HIP1: variants seen among roughly 807,000 people sequenced by gnomAD.
HIP1 encodes huntingtin-interacting protein 1.
Under a neutral mutation model 147.6 loss-of-function variants are expected in HIP1, and 65 were observed. The ratio of observed to expected loss-of-function variants is 0.44; its 90% confidence interval spans 0.36 to 0.54. The LOEUF is 0.54. Among genes scored for constraint, HIP1 ranks in the 20% least tolerant of loss-of-function variants. HIP1 has a pLI of 0.00. For synonymous variants in HIP1, 479 were observed against 504.0 expected (o/e 0.95, Z 0.67); for missense variants, 1,061 against 1,299.6 (o/e 0.82, Z 2.82).
intron 14 of HIP1, among the ~76,000 whole-genome samples, chr7:75,559,197 CT>C (rs1165794988): frequency 2.0e-5 from 3 of 152,136 alleles, no homozygotes; most frequent in Admixed American, 6.6e-5. Context: ...TCACTGCAGC[CT>C]TGAATTCCTG....
At chr7:75,576,677 C>T (rs1266606642) in intron 7 of HIP1, among the ~76,000 whole-genome samples, 1 of 152,082 alleles carries the variant, frequency 6.6e-6, no homozygotes, top group Non-Finnish European at 1.5e-5. Flanking sequence ...CCACTGCACT[C>T]CAGCCTGAAC....
At chr7:75,673,758 G>A (rs1001225554) in intron 1 of HIP1, among the ~76,000 whole-genome samples, 1 of 147,698 alleles carries the variant, frequency 6.8e-6, no homozygotes, top group Non-Finnish European at 1.5e-5. Context: ...GTCAAGGTGG[G>A]TGGATTGCTT....
chr7:75,595,236 CTTTCTTTCTTT>C (rs1563230233), intron 2 of HIP1, among the ~76,000 whole-genome samples: 137 of 114,610 alleles, frequency 1.2e-3, no homozygotes, highest in African/African-American at 4.9e-3. Flanking sequence ...TTCTTTCTTT[CTTTCTTTCTTT>C]CTTTCTTCCT....
At chr7:75,691,476 G>A (rs564706979) in intron 1 of HIP1, among the ~76,000 whole-genome samples, 27 of 146,634 alleles carry the variant, frequency 1.8e-4, no homozygotes, top group African/African-American at 6.3e-4. Context: ...GGGTGACAGA[G>A]TGAGACTCTG....
At chr7:75,713,552 C>T (rs1357074112) in intron 1 of HIP1, among the ~76,000 whole-genome samples, 2 of 152,140 alleles carry the variant, frequency 1.3e-5, no homozygotes, top group Admixed American at 6.6e-5. Context: ...TCTGATGCAA[C>T]GCGGGCTATT....
In HIP1 at chr7:75,568,063, G is replaced by A. The variant is rs1052774239; in HGVS notation, c.803+136C>T. 4 of 684,288 alleles carry A rather than the reference G, an allele frequency of 5.8e-6. No individual in the cohort carries two copies. The highest frequency in any genetic ancestry group is 8.2e-6 in the Non-Finnish European group (3 of 367,912). The allele number at this position is 684,288 out of a possible 1,614,324, so 42.4% of individuals were successfully genotyped here. A position where few individuals can be genotyped will look rare whatever the true frequency, so the allele number is the denominator to read the frequency against. Reference sequence around the variant, plus strand: ...ACTCTTGGCCTCAAGTGATCCTCCCGCCTCAGCCTCCCAAAGAGTTGGGGT... The same window carrying A: ...ACTCTTGGCCTCAAGTGATCCTCCCACCTCAGCCTCCCAAAGAGTTGGGGT... On this transcript the variant is annotated intron_variant, in intron 9 of 30. Coordinates refer to ENST00000336926, the MANE Select transcript of HIP1 (RefSeq NM_005338.7). This position sits in a 1 kb window ranked among gnomAD's most constrained non-coding sequence, Gnocchi z 4.1.
chr7:75,707,631 C>T (rs1193042527), intron 1 of HIP1, among the ~76,000 whole-genome samples: 5 of 151,014 alleles, frequency 3.3e-5, no homozygotes, highest in African/African-American at 7.4e-5. Context: ...AAAAAGAGCC[C>T]GCATCGCCAA....
intron 1 of HIP1, among the ~76,000 whole-genome samples, chr7:75,705,294 T>G (rs1554519574): frequency 6.6e-6 from 1 of 152,212 alleles, no homozygotes; most frequent in African/African-American, 2.4e-5. Context: ...TAGGACTCAC[T>G]TATTTTGCCT....
chr7:75,571,863 C>T (rs587621628), intron 8 of HIP1, among the ~76,000 whole-genome samples: 1 of 152,264 alleles, frequency 6.6e-6, no homozygotes, highest in South Asian at 2.1e-4. Context: ...GGATTCCATG[C>T]GTGAACCACT....
intron 12 of HIP1, 86 bp downstream of exon 12, chr7:75,561,987 A>C: frequency 1.2e-6 from 1 of 807,414 alleles, no homozygotes; most frequent in East Asian, 2.4e-5. Flanking sequence ...AGTATCATTA[A>C]GAATTCCTCT....
intron 5 of HIP1, among the ~76,000 whole-genome samples, chr7:75,583,179 T>G (rs1201732595): frequency 3.3e-5 from 5 of 152,138 alleles, no homozygotes; most frequent in African/African-American, 9.7e-5. Context: ...TCTCTCTGCC[T>G]GCCTTTGCTT....
At chr7:75,668,271 T>C (rs1739621765) in intron 1 of HIP1, among the ~76,000 whole-genome samples, 1 of 152,218 alleles carries the variant, frequency 6.6e-6, no homozygotes, top group Admixed American at 6.5e-5. Context: ...CTCCTCCTGT[T>C]GAGAACAGCC....
chr7:75,695,550 G>A (rs1191136835), intron 1 of HIP1, among the ~76,000 whole-genome samples: 1 of 145,502 alleles, frequency 6.9e-6, no homozygotes, highest in Non-Finnish European at 1.5e-5. Flanking sequence ...ATTCAGAAGG[G>A]GTTGTGGAGC....
chr7:75,592,308 C>G (rs1014099442), intron 3 of HIP1, 64 bp downstream of exon 3: 7 of 1,550,600 alleles, frequency 4.5e-6, no homozygotes, highest in African/African-American at 1.4e-5. Context: ...CTCTGTGGCC[C>G]AGGCAGTCAC....
At chr7:75,731,295 C>T (rs1207298213) in intron 1 of HIP1, among the ~76,000 whole-genome samples, 10 of 151,328 alleles carry the variant, frequency 6.6e-5, no homozygotes, top group African/African-American at 1.9e-4. Flanking sequence ...CCAGCCTGGC[C>T]AACATGATGA....
intron 8 of HIP1, among the ~76,000 whole-genome samples, chr7:75,571,342 T>TA (rs1584813031): frequency 6.6e-6 from 1 of 152,298 alleles, no homozygotes; most frequent in East Asian, 1.9e-4. Flanking sequence ...TTCAGCACTC[T>TA]AAGCAGCTGG....
chr7:75,701,858 C>T (rs1800841718), intron 1 of HIP1, among the ~76,000 whole-genome samples: 1 of 152,072 alleles, frequency 6.6e-6, no homozygotes, highest in Non-Finnish European at 1.5e-5. Flanking sequence ...ATTGCAACAA[C>T]AATAACAACA....
rs184804014 is a variant in HIP1 at position 75,580,942 on chromosome 7, A to G, written c.604+295T>C. ...TTTTTAGTAGAGACAGGGTTTCACC[A>G]TGTTGGCCAGGCTGGTCTTGAACTT... On this transcript the variant is annotated intron_variant, in intron 7 of 30. Transcript: ENST00000336926. 2.8e-4 allele frequency among the ~76,000 whole-genome samples: 43 copies of G among 152,228 alleles called. No homozygotes were observed. In the East Asian group the frequency reaches 8.2e-3, roughly 29 times the overall value.
At position 75,592,128 on chromosome 7, in the gene HIP1, A is replaced by T. The variant is rs1464343081; in HGVS notation, c.328-16T>A. 4 of 1,610,574 alleles carry T rather than the reference A, an allele frequency of 2.5e-6. No homozygotes were observed. The Admixed American group carries it at 5.0e-5, about 20-fold the overall frequency. Reference sequence around the variant, plus strand: ...CCTTCAGGACCTGCAGGGGCAAAAGAACAGCCTGTGAGAGAATGGAGAAGG... The same window carrying T: ...CCTTCAGGACCTGCAGGGGCAAAAGTACAGCCTGTGAGAGAATGGAGAAGG... On this transcript the variant is annotated splice_polypyrimidine_tract_variant and intron_variant, in intron 3 of 30. Transcript: ENST00000336926.
Sources: gnomAD v4.1 joint callset for allele counts (sites outside exome capture counted in the v4.1 genomes callset) on GRCh38, gnomAD v4.1.1 for gene constraint, Gnocchi (gnomAD v3.1) non-coding constraint, MANE v1.5 for transcripts, NCBI Gene and HGNC (gene_info 2026-07-23, HGNC 2026-07-21) for gene names.